MAP4: variants seen among roughly 807,000 people sequenced by gnomAD.
MAP4 encodes microtubule associated protein 4, also known as microtubule-associated protein 4.
A neutral mutation model predicts 170.2 loss-of-function variants in MAP4; 76 were observed. The ratio of observed to expected loss-of-function variants is 0.45; its 90% CI spans 0.37 to 0.54. The LOEUF (loss-of-function observed/expected upper bound fraction) is 0.54, where lower values mean the gene tolerates loss of function less well. MAP4 is among the 20% of genes least tolerant of loss of function. The pLI is 0.00. For missense variants in MAP4, 2,506 were observed against 2,748.0 expected (o/e 0.91, Z 1.97); for synonymous variants, 909 against 994.5 (o/e 0.91, Z 1.62).
chr3:48,011,470 T>C (rs2100105193), intron 1 of MAP4, among the ~76,000 whole-genome samples: 1 of 151,988 alleles, frequency 6.6e-6, no homozygotes, highest in Non-Finnish European at 1.5e-5. Context: ...GGAAAATTGC[T>C]TGAACCCAGG....
Position 47,875,598 on chromosome 3 carries a change from C to T in MAP4, c.5757+87G>A, listed in dbSNP as rs539728260. 4.1e-6 allele frequency: 5 copies of T among 1,206,276 alleles called. No homozygotes were observed. The South Asian group carries it at 6.8e-5, about 16-fold the overall frequency. The allele number at this position is 1,206,276 out of a possible 1,614,324, so 74.7% of individuals were successfully genotyped here. On this transcript the variant is annotated intron_variant, in intron 12 of 20. Coordinates refer to ENST00000683076, the MANE Select transcript of MAP4 (RefSeq NM_001385682.1). ...TTTTCCCAATTCCACCAGCCTGATT[C>T]TGTTGTCTGTTAGCAACAAGGATCT...
intron 3 of MAP4, among the ~76,000 whole-genome samples, chr3:47,941,217 T>A: frequency 2.0e-5 from 1 of 49,954 alleles, no homozygotes; most frequent in Non-Finnish European, 3.3e-5. Flanking sequence ...ACCCTATCTC[T>A]ACCAAAAAAA....
upstream of MAP4, among the ~76,000 whole-genome samples, chr3:48,017,695 C>G (rs930208635): frequency 6.6e-6 from 1 of 152,274 alleles, no homozygotes; most frequent in South Asian, 2.1e-4. Flanking sequence ...TCTCTCCCTC[C>G]TCATTTGTGA....
rs1440939842 is a variant in MAP4, at chr3:47,985,211, C to T, written c.224-7278G>A. 5.3e-5 allele frequency among the ~76,000 whole-genome samples: 8 copies of T among 151,760 alleles called. 1 individual carries two copies. Among genetic ancestry groups the T allele is most frequent in the South Asian group, 4.2e-4 (2 of 4,814 alleles). On this transcript the variant is annotated intron_variant, in intron 2 of 20. Coordinates refer to ENST00000683076, the MANE Select transcript of MAP4 (RefSeq NM_001385682.1). ...AGGAGGATCACCTGAACCTGGGAGG[C>T]GGAGGTTGCAGTGAGCCAAGATGGT...
In MAP4 at chr3:47,852,771, G is replaced by T; in HGVS notation, c.*163C>A. On this transcript the variant is annotated 3_prime_UTR_variant, in exon 21 of 21. Coordinates refer to ENST00000683076, the MANE Select transcript of MAP4 (RefSeq NM_001385682.1). Reference sequence around the variant, plus strand: ...GCGAGCCTAGCGGGCTGCCCAGCACGGCGCCCAAGCGCTCACTGGTCTAGT... The same window carrying T: ...GCGAGCCTAGCGGGCTGCCCAGCACTGCGCCCAAGCGCTCACTGGTCTAGT... 2 of 1,545,638 alleles carry T rather than the reference G, an allele frequency of 1.3e-6. No individual in the cohort carries two copies. The highest frequency in any genetic ancestry group is 1.2e-5 in the South Asian group (1 of 83,884).
intron 1 of MAP4, among the ~76,000 whole-genome samples, chr3:48,070,293 T>C (rs1359355852): frequency 6.6e-6 from 1 of 151,832 alleles, no homozygotes; most frequent in African/African-American, 2.4e-5. Flanking sequence ...CCTCCCAAAG[T>C]GCTGGGATTA....
At chr3:48,056,826 G>A (rs1457715619) in intron 1 of MAP4, among the ~76,000 whole-genome samples, 4 of 86,146 alleles carry the variant, frequency 4.6e-5, no homozygotes, top group African/African-American at 1.6e-4. Flanking sequence ...CAGCCGACCC[G>A]TCCGGGAGGG....
At chr3:48,085,000 A>C (rs1419658013) in intron 1 of MAP4, among the ~76,000 whole-genome samples, 2 of 151,954 alleles carry the variant, frequency 1.3e-5, no homozygotes, top group Non-Finnish European at 2.9e-5. Flanking sequence ...TAAGTCTACA[A>C]TAACCTGGTT....
intron 3 of MAP4, among the ~76,000 whole-genome samples, chr3:47,944,326 AC>A (rs1427778429): frequency 1.3e-5 from 2 of 151,914 alleles, no homozygotes; most frequent in African/African-American, 4.8e-5. Flanking sequence ...AAAAACAAAA[AC>A]AAAATGTGTC....
At position 47,867,237 on chromosome 3, in the gene MAP4, T is replaced by C; in HGVS notation, c.6501+9A>G. The C allele has an allele frequency of 1.9e-6, 3 of 1,596,278 alleles. No homozygotes were observed. On this transcript the variant is annotated intron_variant, in intron 17 of 20. Transcript: ENST00000683076. Reference sequence around the variant, plus strand: ...TCTCAGATGCCAGCTAACCAGAGCTTATACTTACATTACCACCTCCAGGGA... The same window carrying C: ...TCTCAGATGCCAGCTAACCAGAGCTCATACTTACATTACCACCTCCAGGGA...
At chr3:48,069,985 T>G (rs997436819) in intron 1 of MAP4, among the ~76,000 whole-genome samples, 1 of 152,102 alleles carries the variant, frequency 6.6e-6, no homozygotes, top group Non-Finnish European at 1.5e-5. Flanking sequence ...AAAAAAATTT[T>G]TTTTCTGAGA....
Position 47,912,065 on chromosome 3 carries a change from C to A in MAP4, c.2356G>T (p.Gly786Ter). 1 of 1,536,176 alleles carries A rather than the reference C, an allele frequency of 6.5e-7. No homozygotes were observed. Among genetic ancestry groups the A allele is most frequent in the Non-Finnish European group, 8.7e-7 (1 of 1,146,924 alleles). The change falls in exon 9 of 21, where the codon GGA (glycine) becomes TGA (stop). Residue 786 changes from glycine (G) to a stop codon, truncating the protein, a stop_gained. Transcript: ENST00000683076. LOFTEE classifies it high-confidence loss of function. The stretch of plus-strand genomic sequence containing the variant: ...GCATTGTCATCATCCGAAGGTCCTC[C>A]AGCCCGTGGTTGAGAATATCTCTTT... ...KQKRYSQPRA[G>*]GPSDDDNADK...
intron 11 of MAP4, 113 bp downstream of exon 11, chr3:47,877,304 G>GACA: frequency 1.3e-6 from 1 of 781,848 alleles, no homozygotes; most frequent in Non-Finnish European, 2.2e-6. Flanking sequence ...CATGAGGAAG[G>GACA]ACAATAACAG....
intron 3 of MAP4, among the ~76,000 whole-genome samples, chr3:47,945,990 A>G (rs1285456442): frequency 2.0e-5 from 3 of 151,862 alleles, no homozygotes; most frequent in Non-Finnish European, 2.9e-5. Flanking sequence ...GCTGGAGTGC[A>G]GTGGCACAAT....
In MAP4 at chr3:47,855,952, G is replaced by A. The variant is rs2055169608; in HGVS notation, c.6584-592C>T. Among the ~76,000 whole-genome samples the A allele has an allele frequency of 1.3e-5, 2 of 152,130 alleles. No homozygotes were observed. Among genetic ancestry groups the A allele is most frequent in the African/African-American group, 4.8e-5 (2 of 41,430 alleles). On this transcript the variant is annotated intron_variant, in intron 18 of 20. Transcript: ENST00000683076. The surrounding 1 kb of genome is among the most constrained non-coding windows in gnomAD (Gnocchi z 5.1). ...GAAGGAATAATAAAAAGGACAGAGT[G>A]GCCCCGAGGCTGTGCGCTGAGGAAG...
intron 10 of MAP4, 74 bp from the exon 11 acceptor site, chr3:47,877,597 G>C: frequency 9.9e-7 from 1 of 1,005,232 alleles, no homozygotes; most frequent in South Asian, 1.5e-5. Context: ...ACAAGGTTTA[G>C]CAAAGACAGA....
At chr3:47,860,070 T>TA (rs2063123530) in intron 17 of MAP4, among the ~76,000 whole-genome samples, 2 of 152,214 alleles carry the variant, frequency 1.3e-5, no homozygotes, top group Non-Finnish European at 2.9e-5. Context: ...AAAGATCTGG[T>TA]AGCTGCTTAA....
chr3:47,877,140 G>T (rs988055979), intron 11 of MAP4: 44 of 292,582 alleles, frequency 1.5e-4, no homozygotes, highest in Non-Finnish European at 5.3e-5. Context: ...GCCTCCCAAA[G>T]TGCTGAGATT....
At chr3:47,940,268 A>G (rs555431748) in intron 3 of MAP4, among the ~76,000 whole-genome samples, 53 of 152,290 alleles carry the variant, frequency 3.5e-4, no homozygotes, top group Admixed American at 9.8e-4. Context: ...ATTAAGGAGC[A>G]TGTTTGACCA....
Sources: gnomAD v4.1 joint callset for allele counts (sites outside exome capture counted in the v4.1 genomes callset) on GRCh38, gnomAD v4.1.1 for gene constraint, Gnocchi (gnomAD v3.1) non-coding constraint, MANE v1.5 for transcripts, NCBI Gene and HGNC (gene_info 2026-07-23, HGNC 2026-07-21) for gene names.